GALNT13: variants seen among roughly 807,000 people sequenced by gnomAD.
The protein encoded by GALNT13 is polypeptide N-acetylgalactosaminyltransferase 13, also known as UDP-GalNAc:polypeptide N-acetylgalactosaminyltransferase 13.
GALNT13 carries 28 observed loss-of-function variants against 64.2 expected under a neutral mutation model. That is an observed-to-expected ratio of 0.44 (90% confidence interval 0.32 to 0.60). The LOEUF (loss-of-function observed/expected upper bound fraction) is 0.60. GALNT13 is among the 20% of genes least tolerant of loss of function. The pLI, the probability that GALNT13 is intolerant of heterozygous loss-of-function variation, is 0.05. For synonymous variants in GALNT13, 214 were observed against 224.6 expected (o/e 0.95, Z 0.42); for missense variants, 577 against 669.8 (o/e 0.86, Z 1.53).
chr2:153,257,472 C>T, the GALNT13 span, among the ~76,000 whole-genome samples: 4 of 152,038 alleles, frequency 2.6e-5, no homozygotes, highest in Non-Finnish European at 5.9e-5. Flanking sequence ...CATCTTGGCT[C>T]CTCTCTAACA....
At chr2:153,309,032 G>T in the GALNT13 span, among the ~76,000 whole-genome samples, 1 of 152,232 alleles carries the variant, frequency 6.6e-6, no homozygotes, top group South Asian at 2.1e-4. Context: ...CTGAAGGAAA[G>T]AATTAGGAGA....
At chr2:153,890,989 G>A (rs181409197) in intron 1 of GALNT13, among the ~76,000 whole-genome samples, 18 of 152,018 alleles carry the variant, frequency 1.2e-4, no homozygotes, top group African/African-American at 4.1e-4. Flanking sequence ...TTCATTGTTG[G>A]TACATATAAT....
the GALNT13 span, among the ~76,000 whole-genome samples, chr2:153,807,343 A>G: frequency 9.9e-5 from 15 of 152,018 alleles, no homozygotes; most frequent in Non-Finnish European, 1.9e-4. Flanking sequence ...TATATATATT[A>G]TCCTTTGACT....
chr2:154,381,049 C>G (rs1412933814), intron 9 of GALNT13, among the ~76,000 whole-genome samples: 1 of 151,954 alleles, frequency 6.6e-6, no homozygotes, highest in Non-Finnish European at 1.5e-5. Context: ...AAAGTGACAC[C>G]TCATCATTTT....
At chr2:154,234,011 T>C (rs556715393) in intron 4 of GALNT13, among the ~76,000 whole-genome samples, 8 of 152,172 alleles carry the variant, frequency 5.3e-5, no homozygotes, top group Admixed American at 1.3e-4. Context: ...ACACATGATT[T>C]AAAAGAGCTG....
chr2:154,437,699 C>G (rs1460734307), intron 11 of GALNT13: 1 of 444,948 alleles, frequency 2.2e-6, no homozygotes, highest in Admixed American at 2.5e-5. Flanking sequence ...TACTAAAATA[C>G]AAAACATTAG....
the GALNT13 span, among the ~76,000 whole-genome samples, chr2:153,814,275 C>G: frequency 5.9e-4 from 90 of 152,164 alleles, no homozygotes; most frequent in African/African-American, 2.1e-3. Context: ...CCCGTCTCTA[C>G]TATAAATACA....
chr2:154,073,287 G>T (rs2105394872), intron 3 of GALNT13, among the ~76,000 whole-genome samples: 2 of 152,062 alleles, frequency 1.3e-5, no homozygotes, highest in African/African-American at 2.4e-5. Flanking sequence ...TTAACTGAAA[G>T]AATTACTATG....
intron 3 of GALNT13, among the ~76,000 whole-genome samples, chr2:154,022,435 G>A (rs1409432433): frequency 6.6e-6 from 1 of 152,148 alleles, no homozygotes; most frequent in Admixed American, 6.5e-5. Flanking sequence ...GGATGTATGT[G>A]TCGAGGAATT....
chr2:154,162,190 A>G (rs1684772358), intron 4 of GALNT13, among the ~76,000 whole-genome samples: 2 of 152,224 alleles, frequency 1.3e-5, no homozygotes, highest in African/African-American at 4.8e-5. Context: ...ATGTCATTAC[A>G]CTGGAATGTG....
the GALNT13 span, among the ~76,000 whole-genome samples, chr2:153,156,377 T>G: frequency 6.6e-6 from 1 of 152,212 alleles, no homozygotes; most frequent in South Asian, 2.1e-4. Context: ...TACAGTCATT[T>G]ATATATTTTA....
At chr2:153,383,328 A>G in the GALNT13 span, among the ~76,000 whole-genome samples, 1 of 152,118 alleles carries the variant, frequency 6.6e-6, no homozygotes, top group Non-Finnish European at 1.5e-5. Context: ...TTAACAATTC[A>G]GAGGGCCTAT....
intron 4 of GALNT13, among the ~76,000 whole-genome samples, chr2:154,186,826 A>G (rs1686278388): frequency 6.6e-6 from 1 of 152,102 alleles, no homozygotes; most frequent in South Asian, 2.1e-4. Flanking sequence ...TTGCCTTCAA[A>G]CTTAAACCAA....
At chr2:153,803,578 G>C in the GALNT13 span, among the ~76,000 whole-genome samples, 1 of 151,558 alleles carries the variant, frequency 6.6e-6, no homozygotes, top group Non-Finnish European at 1.5e-5. Flanking sequence ...TGTAGTCCCA[G>C]CTACTCGGGA....
the GALNT13 span, among the ~76,000 whole-genome samples, chr2:153,279,103 T>TG: frequency 1.3e-5 from 2 of 152,108 alleles, no homozygotes; most frequent in African/African-American, 4.8e-5. Context: ...TAGGTATTTT[T>TG]TTGTGTGTGT....
At chr2:153,167,115 CAAAT>C in the GALNT13 span, among the ~76,000 whole-genome samples, 1 of 152,210 alleles carries the variant, frequency 6.6e-6, no homozygotes, top group Non-Finnish European at 1.5e-5. Flanking sequence ...TGGTACACCA[CAAAT>C]AAACCACTAG....
chr2:153,442,807 C>T, the GALNT13 span, among the ~76,000 whole-genome samples: 4,033 of 152,266 alleles, frequency 0.026, 68 homozygotes, highest in Middle Eastern at 0.072. Flanking sequence ...CAGAGGGCTC[C>T]TCCCAGTTTG....
At chr2:153,764,475 G>A in the GALNT13 span, among the ~76,000 whole-genome samples, 2 of 152,178 alleles carry the variant, frequency 1.3e-5, no homozygotes, top group Non-Finnish European at 2.9e-5. Flanking sequence ...GGTGGAGGTT[G>A]CAGTGAGCCA....
At chr2:154,205,993 A>T (rs1020413737) in intron 4 of GALNT13, among the ~76,000 whole-genome samples, 7 of 150,058 alleles carry the variant, frequency 4.7e-5, no homozygotes, top group Non-Finnish European at 7.4e-5. Flanking sequence ...TTTTCCTTTT[A>T]TTATTATTAT....
Sources: allele counts gnomAD v4.1 joint callset (sites outside exome capture counted in the v4.1 genomes callset), GRCh38; gene constraint gnomAD v4.1.1; transcripts MANE v1.5; gene names NCBI Gene and HGNC (gene_info 2026-07-23, HGNC 2026-07-21).